The following PRKN variants were observed in gnomAD, a reference collection of about 807,000 sequenced individuals.
PRKN encodes parkin RBR E3 ubiquitin protein ligase.
A neutral mutation model predicts 59.5 loss-of-function variants in PRKN; 56 were observed. The observed-to-expected ratio is 0.94, with a 90% CI of 0.76 to 1.18. PRKN has a LOEUF of 1.18. PRKN is among the 50% of genes most tolerant of loss of function. The probability of loss-of-function intolerance (pLI) is 0.00; values close to 1 mark genes in which losing one functional copy is unlikely to be tolerated. For missense variants in PRKN, 657 were observed against 596.4 expected (o/e 1.10, Z -1.06); for synonymous variants, 250 against 222.1 (o/e 1.13, Z -1.12).
At chr6:162,489,033 T>C (rs1485414743) in intron 1 of PRKN, among the ~76,000 whole-genome samples, 2 of 152,060 alleles carry the variant, frequency 1.3e-5, no homozygotes, top group African/African-American at 2.4e-5. Context: ...GTTAACAATT[T>C]GGCACAGGGA....
intron 3 of PRKN, among the ~76,000 whole-genome samples, chr6:162,245,374 C>T (rs1779156212): frequency 2.0e-5 from 3 of 151,964 alleles, no homozygotes; most frequent in Admixed American, 2.0e-4. Flanking sequence ...GCATATTTAC[C>T]TATCTATAAT....
chr6:162,488,723 A>C (rs1160139254), intron 1 of PRKN, among the ~76,000 whole-genome samples: 1 of 152,130 alleles, frequency 6.6e-6, no homozygotes, highest in East Asian at 1.9e-4. Context: ...GCAGGCCCAC[A>C]TGGTGTTGGA....
At position 161,584,431 on chromosome 6, in the gene PRKN, T is replaced by C. The variant is rs560547109; in HGVS notation, c.872-15015A>G. Among the ~76,000 whole-genome samples, 1 of 152,324 alleles carries C rather than the reference T, an allele frequency of 6.6e-6. No homozygotes were observed. The highest frequency in any genetic ancestry group is 1.9e-4 in the East Asian group (1 of 5,184). ...ACAAAAATCTATTTTGTAAGATTAGTTAATTTAATATAATAATAGTTCTTC... is the reference window on the plus strand; with the variant it reads ...ACAAAAATCTATTTTGTAAGATTAGCTAATTTAATATAATAATAGTTCTTC... On this transcript the variant is annotated intron_variant, in intron 7 of 11. Coordinates refer to ENST00000366898, the MANE Select transcript of PRKN (RefSeq NM_004562.3). This position sits in a 1 kb window ranked among gnomAD's most constrained non-coding sequence, Gnocchi z 4.8.
At position 162,008,214 on chromosome 6, in the gene PRKN, T is replaced by C. The variant is rs576618449; in HGVS notation, c.619-34797A>G. Among the ~76,000 whole-genome samples, 362 of 152,268 alleles carry C rather than the reference T, an allele frequency of 2.4e-3. 2 individuals carry two copies. The highest frequency in any genetic ancestry group is 8.4e-3 in the African/African-American group (349 of 41,550). ...GAAATTAGAGAAAGATGCACATATA[T>C]GTGTATGAACATTTGGCACCAGATA... On this transcript the variant is annotated intron_variant, in intron 5 of 11. Coordinates refer to ENST00000366898, the MANE Select transcript of PRKN (RefSeq NM_004562.3).
At chr6:161,656,154 C>A (rs1784342869) in intron 7 of PRKN, among the ~76,000 whole-genome samples, 1 of 152,202 alleles carries the variant, frequency 6.6e-6, no homozygotes. Flanking sequence ...AGATGACATT[C>A]TGAAAGAAGA....
intron 7 of PRKN, among the ~76,000 whole-genome samples, chr6:161,770,568 A>G (rs1374420461): frequency 6.6e-6 from 1 of 151,990 alleles, no homozygotes; most frequent in African/African-American, 2.4e-5. Context: ...CCCAGGTGCA[A>G]GTGATTCTCC....
intron 5 of PRKN, among the ~76,000 whole-genome samples, chr6:162,011,490 A>ATTATAATATATAATATAT (rs1226188025): frequency 6.5e-5 from 1 of 15,436 alleles, no homozygotes; most frequent in African/African-American, 3.0e-4. Flanking sequence ...ATTATAATAT[A>ATTATAATATATAATATAT]TATAATATAT....
At chr6:161,917,828 T>C (rs1778629223) in intron 6 of PRKN, among the ~76,000 whole-genome samples, 2 of 152,232 alleles carry the variant, frequency 1.3e-5, no homozygotes, top group African/African-American at 2.4e-5. Context: ...ATTTCCACGT[T>C]TGAACTGCTG....
intron 7 of PRKN, among the ~76,000 whole-genome samples, chr6:161,634,362 C>T (rs983077226): frequency 8.5e-5 from 13 of 152,174 alleles, no homozygotes; most frequent in Non-Finnish European, 4.4e-5. Flanking sequence ...GCAGACGGTG[C>T]TCTGAGCCTC....
intron 2 of PRKN, among the ~76,000 whole-genome samples, chr6:162,279,902 T>C (rs1015256990): frequency 6.6e-6 from 1 of 152,206 alleles, no homozygotes; most frequent in Non-Finnish European, 1.5e-5. Context: ...CTTCTTGTTG[T>C]ATTGATCCCT....
intron 2 of PRKN, among the ~76,000 whole-genome samples, chr6:162,351,565 T>G (rs1346167630): frequency 6.6e-6 from 1 of 152,152 alleles, no homozygotes; most frequent in Admixed American, 6.6e-5. Flanking sequence ...AGGGAAGTAT[T>G]TGCACAAGAG....
At chr6:162,106,165 G>GT (rs1221075229) in intron 4 of PRKN, among the ~76,000 whole-genome samples, 17 of 152,204 alleles carry the variant, frequency 1.1e-4, no homozygotes, top group Non-Finnish European at 1.9e-4. Context: ...TACAGCTCCC[G>GT]TAAGTACGGG....
Position 162,420,306 on chromosome 6 carries a change from C to T in PRKN, c.171+23004G>A, listed in dbSNP as rs73604244. On this transcript the variant is annotated intron_variant, in intron 2 of 11. Coordinates refer to ENST00000366898, the MANE Select transcript of PRKN (RefSeq NM_004562.3). Reference sequence around the variant, plus strand: ...GTGTAAAGCATTATGTTTAAAATACCATAGCCTGAGATCAAAATTTTAGGC... The same window carrying T: ...GTGTAAAGCATTATGTTTAAAATACTATAGCCTGAGATCAAAATTTTAGGC... Among the ~76,000 whole-genome samples, 580 of 152,122 alleles carry T rather than the reference C, an allele frequency of 3.8e-3. 7 individuals are homozygous for T. Among genetic ancestry groups the T allele is most frequent in the African/African-American group, 0.013 (556 of 41,498 alleles).
chr6:161,972,206 G>A (rs938647214), intron 6 of PRKN, among the ~76,000 whole-genome samples: 9 of 151,440 alleles, frequency 5.9e-5, no homozygotes, highest in South Asian at 2.1e-4. Context: ...CCTGGGAGGC[G>A]GAGGTTGCAG....
At chr6:162,410,712 T>C (rs1202883233) in intron 2 of PRKN, among the ~76,000 whole-genome samples, 2 of 152,188 alleles carry the variant, frequency 1.3e-5, no homozygotes, top group African/African-American at 2.4e-5. Flanking sequence ...TCAAAACACA[T>C]TCTTGCCAAC....
At chr6:162,635,093 T>C (rs1194747403) in intron 1 of PRKN, among the ~76,000 whole-genome samples, 1 of 152,222 alleles carries the variant, frequency 6.6e-6, no homozygotes, top group Non-Finnish European at 1.5e-5. Flanking sequence ...TCTTTTTACT[T>C]GACTTGATTT....
intron 4 of PRKN, among the ~76,000 whole-genome samples, chr6:162,185,874 G>A (rs1030171452): frequency 1.3e-5 from 2 of 152,034 alleles, no homozygotes; most frequent in South Asian, 2.1e-4. Flanking sequence ...GGGACTCTAC[G>A]GAGCAAGTAG....
chr6:161,672,579 C>G (rs550009527), intron 7 of PRKN, among the ~76,000 whole-genome samples: 1 of 152,212 alleles, frequency 6.6e-6, no homozygotes, highest in African/African-American at 2.4e-5. Flanking sequence ...AGTTCGAGAC[C>G]AGCCTGGACA....
intron 4 of PRKN, among the ~76,000 whole-genome samples, chr6:162,116,564 C>T (rs771419415): frequency 3.3e-5 from 5 of 152,144 alleles, no homozygotes; most frequent in African/African-American, 4.8e-5. Flanking sequence ...GACGAGAGCA[C>T]GTGTGTACAT....
Sources: gnomAD v4.1 joint callset for allele counts (sites outside exome capture counted in the v4.1 genomes callset) on GRCh38, gnomAD v4.1.1 for gene constraint, Gnocchi (gnomAD v3.1) non-coding constraint, MANE v1.5 for transcripts, NCBI Gene and HGNC (gene_info 2026-07-23, HGNC 2026-07-21) for gene names.